FAM120AOS: variants seen among roughly 807,000 people sequenced by gnomAD.
FAM120AOS encodes uncharacterized protein FAM120AOS.
Under a neutral mutation model 20.2 loss-of-function variants are expected in FAM120AOS, and 15 were observed. The observed-to-expected ratio is 0.74, with a 90% CI of 0.50 to 1.15. The LOEUF is 1.15. Ranked by LOEUF, FAM120AOS falls within the 50% of genes most tolerant of loss-of-function variation. The pLI, the probability that FAM120AOS is intolerant of heterozygous loss-of-function variation, is 0.00. For missense variants in FAM120AOS, 327 were observed against 351.9 expected (o/e 0.93, Z 0.57); for synonymous variants, 154 against 154.0 (o/e 1.00, Z 0.00).
chr9:93,447,505 G>A lies in FAM120AOS; in HGVS notation c.*106C>T. On this transcript the variant is annotated 3_prime_UTR_variant, in exon 3 of 3. Coordinates refer to ENST00000375412, the MANE Select transcript of FAM120AOS (RefSeq NM_198841.4). Reference sequence around the variant, plus strand: ...CAATATAGAGAGAACTCTGAAACCAGAAGCAGAAGCTGAGGAATGGTGAAT... The same window carrying A: ...CAATATAGAGAGAACTCTGAAACCAAAAGCAGAAGCTGAGGAATGGTGAAT... The A allele has an allele frequency of 9.6e-7, 1 of 1,047,096 alleles. No homozygotes were observed. The highest frequency in any genetic ancestry group is 1.6e-5 in the African/African-American group (1 of 62,794). 64.9% of individuals were successfully genotyped at this position (1,047,096 alleles called of 1,614,324 possible).
In FAM120AOS at chr9:93,443,741, C is replaced by G. The variant is rs577588753; in HGVS notation, c.*3870G>C. Among the ~76,000 whole-genome samples the G allele has an allele frequency of 1.3e-5, 2 of 152,266 alleles. No homozygotes were observed. Among genetic ancestry groups the G allele is most frequent in the East Asian group, 3.9e-4 (2 of 5,182 alleles). ...TCTGGGCTGAGCACGGAATTCAGCTCATGTACAGAATTAGAGAATCCTCTT... is the reference window on the plus strand; with the variant it reads ...TCTGGGCTGAGCACGGAATTCAGCTGATGTACAGAATTAGAGAATCCTCTT... On this transcript the variant is annotated 3_prime_UTR_variant, in exon 3 of 3. Coordinates refer to ENST00000375412, the MANE Select transcript of FAM120AOS (RefSeq NM_198841.4).
chr9:93,452,570 C>A lies in FAM120AOS; in HGVS notation c.140G>T (p.Arg47Leu). ...GATGGATGGCCGCGGGTGCAGGCCG[C>A]GCGCTGCCCAAGCCCGTCTCCAGCT... ...RDSWRRAWAA[R>L]GLHPRPSILQ... The change falls in exon 1 of 3, where the codon CGC becomes CTC. Residue 47 changes from arginine to leucine, a missense_variant. Around this residue, in one of 3 missense-constraint regions of FAM120AOS, gnomAD observed 155 missense variants for 128.8 expected, o/e 1.20. Coordinates refer to ENST00000375412, the MANE Select transcript of FAM120AOS (RefSeq NM_198841.4). This position sits in a 1 kb window ranked among gnomAD's most constrained non-coding sequence, Gnocchi z 7.0. 2 of 1,592,142 alleles carry A rather than the reference C, an allele frequency of 1.3e-6. No homozygotes were observed. Among genetic ancestry groups the A allele is most frequent in the East Asian group, 2.2e-5 (1 of 44,650 alleles).
rs201449587 is a variant in FAM120AOS, at chr9:93,450,581, T to G, written c.582A>C (p.Ala194=). 5.6e-6 allele frequency: 9 copies of G among 1,607,080 alleles called. No homozygotes were observed. The African/African-American group carries it at 9.4e-5, about 17-fold the overall frequency. The part of the protein sequence containing the change: ...ASAARNLCRG[A]GCNRQAVAGQ... ...CGGCCACAGCCTGTCGGTTGCATCC[T>G]GCTCCTCTACAGAGGTTTCTCCAAA... Residue 194 remains alanine (A), a synonymous_variant, in exon 2 of 3, where the codon GCA becomes GCC. Transcript: ENST00000375412.
intron 2 of FAM120AOS, among the ~76,000 whole-genome samples, chr9:93,449,037 C>T (rs1221365770): frequency 6.7e-6 from 1 of 150,314 alleles, no homozygotes; most frequent in Non-Finnish European, 1.5e-5. Context: ...TGCCCACCAT[C>T]AATAGCTACT....
rs868647846 is a variant in FAM120AOS at position 93,450,490 on chromosome 9, G to T, written c.673C>A (p.Pro225Thr). The change falls in exon 2 of 3, where the codon CCG (proline) becomes ACG (threonine). Residue 225 changes from proline (P) to threonine (T), a missense_variant. Coordinates refer to ENST00000375412, the MANE Select transcript of FAM120AOS (RefSeq NM_198841.4). ...HGLAKEAPILPVKKISRSCSV... is the reference protein window; with the variant it reads ...HGLAKEAPILTVKKISRSCSV... The stretch of plus-strand genomic sequence containing the variant: ...AAAATCCAACTTGCCTTTTTCACCG[G>T]GAGTATGGGGGCTTCTTTGGCCAAA... 4 of 1,571,372 alleles carry T rather than the reference G, an allele frequency of 2.5e-6. No homozygotes were observed. The East Asian group carries it at 9.0e-5, about 35-fold the overall frequency.
In FAM120AOS at chr9:93,445,617, C is replaced by CCTCACT. The variant is rs1337514983; in HGVS notation, c.*1988_*1993dup. Among the ~76,000 whole-genome samples, 10 of 114,006 alleles carry CCTCACT rather than the reference C, an allele frequency of 8.8e-5. No homozygotes were observed. Among genetic ancestry groups the CCTCACT allele is most frequent in the Admixed American group, 7.9e-4 (7 of 8,856 alleles). The allele number at this position is 114,006 out of a possible 152,430, so 74.8% of individuals were successfully genotyped here. A position where few individuals can be genotyped will look rare whatever the true frequency, so the allele number is the denominator to read the frequency against. On this transcript the variant is annotated 3_prime_UTR_variant, in exon 3 of 3. Coordinates refer to ENST00000375412, the MANE Select transcript of FAM120AOS (RefSeq NM_198841.4). ...TTTTTTTTTTTTTTTTGAGACAAGGCCTCACTCTGTTGCCCAGGCTGGAGT... is the reference window on the plus strand; with the variant it reads ...TTTTTTTTTTTTTTTTGAGACAAGGCCTCACTCTCACTCTGTTGCCCAGGCTGGAGT...
At position 93,447,487 on chromosome 9, in the gene FAM120AOS, G is replaced by A. The variant is rs1856891329; in HGVS notation, c.*124C>T. 2 of 872,394 alleles carry A rather than the reference G, an allele frequency of 2.3e-6. No individual in the cohort carries two copies. Among genetic ancestry groups the A allele is most frequent in the Non-Finnish European group, 3.7e-6 (2 of 539,196 alleles). 54.0% of individuals were successfully genotyped at this position (872,394 alleles called of 1,614,324 possible). On this transcript the variant is annotated 3_prime_UTR_variant, in exon 3 of 3. Coordinates refer to ENST00000375412, the MANE Select transcript of FAM120AOS (RefSeq NM_198841.4). ...TAGCTTTAAAACACCCTCCAATATA[G>A]AGAGAACTCTGAAACCAGAAGCAGA... is the stretch of plus-strand genomic sequence containing the variant.
In FAM120AOS at chr9:93,453,036, A is replaced by C; in HGVS notation, c.-327T>G. 1 of 1,149,788 alleles carries C rather than the reference A, an allele frequency of 8.7e-7. No homozygotes were observed. The highest frequency in any genetic ancestry group is 1.1e-6 in the Non-Finnish European group (1 of 932,308). The allele number at this position is 1,149,788 out of a possible 1,614,324, so 71.2% of individuals were successfully genotyped here. A position where few individuals can be genotyped will look rare whatever the true frequency, so the allele number is the denominator to read the frequency against. Reference sequence around the variant, plus strand: ...TCTATGGCTTTTTGTGTTAGATTTCAAAGACCCGTGCACTTTGACAGGATG... The same window carrying C: ...TCTATGGCTTTTTGTGTTAGATTTCCAAGACCCGTGCACTTTGACAGGATG... On this transcript the variant is annotated 5_prime_UTR_variant, in exon 1 of 3. Coordinates refer to ENST00000375412, the MANE Select transcript of FAM120AOS (RefSeq NM_198841.4).
chr9:93,447,354 G>A lies in FAM120AOS; in HGVS notation c.*257C>T, dbSNP rs766798048. Reference sequence around the variant, plus strand: ...CCCAGTATACACCAGGGGCTCAGTCGCTGTTTGTCTTATTTTCTTGTTGAC... The same window carrying A: ...CCCAGTATACACCAGGGGCTCAGTCACTGTTTGTCTTATTTTCTTGTTGAC... On this transcript the variant is annotated 3_prime_UTR_variant, in exon 3 of 3. Transcript: ENST00000375412. 1 of 408,172 alleles carries A rather than the reference G, an allele frequency of 2.4e-6. No homozygotes were observed. Among genetic ancestry groups the A allele is most frequent in the Non-Finnish European group, 4.5e-6 (1 of 223,608 alleles). 25.3% of individuals were successfully genotyped at this position (408,172 alleles called of 1,614,324 possible).
In FAM120AOS at chr9:93,452,151, C is replaced by T. The variant is rs1303373398; in HGVS notation, c.559G>A (p.Ala187Thr). ...LPPKQALASA[A>T]RNLCRGAGCN... is the part of the protein sequence containing the mutation. Reference sequence around the variant, plus strand: ...TGGAACCACATGCTTGGCTACCTGGCGGCGCTGGCCAAGGCCTGCTTCGGC... The same window carrying T: ...TGGAACCACATGCTTGGCTACCTGGTGGCGCTGGCCAAGGCCTGCTTCGGC... The change falls in exon 1 of 3, where the codon GCC becomes ACC. Residue 187 changes from alanine (A) to threonine (T), a missense_variant. Physicochemically the swap from Ala to Thr is moderately conservative, Grantham distance 58 (BLOSUM62 0). Around this residue, in one of 3 missense-constraint regions of FAM120AOS, gnomAD observed 86 missense variants for 140.2 expected, o/e 0.61. Transcript: ENST00000375412. The surrounding 1 kb of genome is among the most constrained non-coding windows in gnomAD (Gnocchi z 7.0). 1 of 1,611,742 alleles carries T rather than the reference C, an allele frequency of 6.2e-7. No homozygotes were observed. Among genetic ancestry groups the T allele is most frequent in the Admixed American group, 1.7e-5 (1 of 59,966 alleles).
chr9:93,453,517 G>A lies in FAM120AOS; in HGVS notation c.-808C>T. The A allele has an allele frequency of 2.0e-6, 2 of 985,456 alleles. No individual in the cohort carries two copies. The highest frequency in any genetic ancestry group is 2.4e-6 in the Non-Finnish European group (2 of 829,938). The allele number at this position is 985,456 out of a possible 1,614,324, so 61.0% of individuals were successfully genotyped here. The stretch of plus-strand genomic sequence containing the variant: ...TTCCTTGAAACTGCTGGAGCTGAAA[G>A]TTTGTGAAATTCTGTCTTCGCGGTT... On this transcript the variant is annotated 5_prime_UTR_variant, in exon 1 of 3. Transcript: ENST00000375412.
At position 93,445,272 on chromosome 9, in the gene FAM120AOS, C is replaced by A. The variant is rs978533721; in HGVS notation, c.*2339G>T. Reference sequence around the variant, plus strand: ...TCTCAGAAATTGTATATATTCATCCCTGAAAGGTCTGAGAAAAAATAAAAA... The same window carrying A: ...TCTCAGAAATTGTATATATTCATCCATGAAAGGTCTGAGAAAAAATAAAAA... On this transcript the variant is annotated 3_prime_UTR_variant, in exon 3 of 3. Coordinates refer to ENST00000375412, the MANE Select transcript of FAM120AOS (RefSeq NM_198841.4). Among the ~76,000 whole-genome samples, 1 of 148,464 alleles carries A rather than the reference C, an allele frequency of 6.7e-6. No homozygotes were observed. The highest frequency in any genetic ancestry group is 1.5e-5 in the Non-Finnish European group (1 of 67,696).
rs7020585 is a variant in FAM120AOS at position 93,443,521 on chromosome 9, T to G, written c.*4090A>C. Among the ~76,000 whole-genome samples the G allele has an allele frequency of 0.023, 3,530 of 152,336 alleles. 69 individuals are homozygous for G. Among genetic ancestry groups the G allele is most frequent in the Middle Eastern group, 0.031 (9 of 294 alleles). ...GAACTGCTGTGCAGTGAGGACTGTCTGTTTTATGTTGGGAGACTCTGTGTT... is the reference window on the plus strand; with the variant it reads ...GAACTGCTGTGCAGTGAGGACTGTCGGTTTTATGTTGGGAGACTCTGTGTT... On this transcript the variant is annotated 3_prime_UTR_variant, in exon 3 of 3. Transcript: ENST00000375412.
At chr9:93,448,472 A>G (rs373431396) in intron 2 of FAM120AOS, 27 of 222,806 alleles carry the variant, frequency 1.2e-4, no homozygotes, top group African/African-American at 5.9e-4. Flanking sequence ...CAGCCTGGGC[A>G]ACAGAGCAAG....
At chr9:93,451,554 C>G (rs976752678) in intron 1 of FAM120AOS, 24 of 985,500 alleles carry the variant, frequency 2.4e-5, no homozygotes, top group Non-Finnish European at 2.9e-5. Context: ...CCGGGAGCCC[C>G]GAGCCGCGTC....
Position 93,452,487 on chromosome 9 carries a change from G to T in FAM120AOS, c.223C>A (p.Gln75Lys). The stretch of plus-strand genomic sequence containing the variant: ...AATGTCGCCCGGCCGTGGCGGCGCT[G>T]GGGGCAGCGAGTTCCCCCAGCCCTT... ...RARAGGTRCPQRRHGRATFCA... is the reference protein window; with the variant it reads ...RARAGGTRCPKRRHGRATFCA... Residue 75 changes from glutamine (Q) to lysine (K), a missense_variant, in exon 1 of 3, where the codon CAG becomes AAG. This residue lies in a region of FAM120AOS where 155 missense variants were observed against 128.8 expected (regional missense o/e 1.20). Coordinates refer to ENST00000375412, the MANE Select transcript of FAM120AOS (RefSeq NM_198841.4). The surrounding 1 kb of genome is among the most constrained non-coding windows in gnomAD (Gnocchi z 7.0). 2 of 1,544,206 alleles carry T rather than the reference G, an allele frequency of 1.3e-6. No homozygotes were observed. The highest frequency in any genetic ancestry group is 2.7e-5 in the African/African-American group (2 of 73,438).
chr9:93,448,517 A>G, intron 2 of FAM120AOS: 1 of 185,478 alleles, frequency 5.4e-6, no homozygotes, highest in Non-Finnish European at 1.1e-5. Flanking sequence ...AAATAAAATA[A>G]ATACAAAATA....
chr9:93,445,985 A>G lies in FAM120AOS; in HGVS notation c.*1626T>C, dbSNP rs1467811261. On this transcript the variant is annotated 3_prime_UTR_variant, in exon 3 of 3. Transcript: ENST00000375412. ...CACTGATGCAGTAGATGGATGTCTC[A>G]GATCCCTCAGCTCCCAGATTGGGCC... 6.6e-6 allele frequency among the ~76,000 whole-genome samples: 1 copy of G among 152,206 alleles called. No individual in the cohort carries two copies. Among genetic ancestry groups the G allele is most frequent in the Non-Finnish European group, 1.5e-5 (1 of 68,034 alleles).
In FAM120AOS at chr9:93,452,945, G is replaced by A. The variant is rs778525678; in HGVS notation, c.-236C>T. The A allele has an allele frequency of 6.7e-5, 93 of 1,396,400 alleles. No homozygotes were observed. The highest frequency in any genetic ancestry group is 8.6e-5 in the Non-Finnish European group (93 of 1,080,698). The allele number at this position is 1,396,400 out of a possible 1,614,324, so 86.5% of individuals were successfully genotyped here. A position where few individuals can be genotyped will look rare whatever the true frequency, so the allele number is the denominator to read the frequency against. ...AGACGTGTCTAAGGGCCAGTGCCCT[G>A]GCCTCTACTTCAGAACGCAGTGCCC... On this transcript the variant is annotated 5_prime_UTR_variant, in exon 1 of 3. Coordinates refer to ENST00000375412, the MANE Select transcript of FAM120AOS (RefSeq NM_198841.4). The surrounding 1 kb of genome is among the most constrained non-coding windows in gnomAD (Gnocchi z 7.0).
Sources: gnomAD v4.1 joint callset for allele counts (sites outside exome capture counted in the v4.1 genomes callset) on GRCh38, gnomAD v4.1.1 for gene constraint, gnomAD v4.1.1 regional missense constraint, Gnocchi (gnomAD v3.1) non-coding constraint, MANE v1.5 for transcripts, NCBI Gene and HGNC (gene_info 2026-07-23, HGNC 2026-07-21) for gene names.